NOTCH4: variants seen among roughly 807,000 people sequenced by gnomAD.
The protein encoded by NOTCH4 is neurogenic locus notch homolog protein 4.
NOTCH4 carries 138 observed loss-of-function variants against 189.0 expected under a neutral mutation model. The ratio of observed to expected loss-of-function variants is 0.73; its 90% CI spans 0.64 to 0.84. The LOEUF (loss-of-function observed/expected upper bound fraction) is 0.84. Among genes scored for constraint, NOTCH4 ranks in the 40% least tolerant of loss-of-function variants. The probability of loss-of-function intolerance (pLI) is 0.00; values close to 1 mark genes in which losing one functional copy is unlikely to be tolerated. For synonymous variants in NOTCH4, 942 were observed against 1,032.8 expected (o/e 0.91, Z 1.69); for missense variants, 2,286 against 2,605.4 (o/e 0.88, Z 2.67).
rs2127491834 is a variant in NOTCH4, at chr6:32,223,041, G to A, written c.119C>T (p.Thr40Ile). The change falls in exon 2 of 30, where the codon ACC (threonine) becomes ATC (isoleucine). Residue 40 changes from threonine to isoleucine, a missense_variant. By Grantham distance (89) the Thr-to-Ile change is moderately conservative (BLOSUM62 -1). Around this residue, in one of 2 missense-constraint regions of NOTCH4, gnomAD observed 1,903 missense variants for 2,261.9 expected, o/e 0.84. Transcript: ENST00000375023. Reference protein sequence around the residue: ...SFPEPCANGGTCLSLSLGQGT... With the variant: ...SFPEPCANGGICLSLSLGQGT... ...TTGTCCCAGAGACAGGCTCAGGCAG[G>A]TGCCTCCATTGGCACAGGGTTCTGG... 9 of 1,613,880 alleles carry A rather than the reference G, an allele frequency of 5.6e-6. No individual in the cohort carries two copies. The South Asian group carries it at 6.6e-5, about 12-fold the overall frequency.
rs1789731784 is a variant in NOTCH4, at chr6:32,220,966, G to T, written c.799+12C>A. On this transcript the variant is annotated intron_variant, in intron 4 of 29. Coordinates refer to ENST00000375023, the MANE Select transcript of NOTCH4 (RefSeq NM_004557.4). ...AGAGAGGGGCGGCCGGAGAGCCCCT[G>T]TGAGGACACACCTGGGGGACAGAGG... 1 of 1,596,380 alleles carries T rather than the reference G, an allele frequency of 6.3e-7. No individual in the cohort carries two copies. The highest frequency in any genetic ancestry group is 8.5e-7 in the Non-Finnish European group (1 of 1,169,860).
intron 26 of NOTCH4, among the ~76,000 whole-genome samples, chr6:32,197,797 C>T (rs1788046780): frequency 6.6e-6 from 1 of 150,670 alleles, no homozygotes; most frequent in African/African-American, 2.4e-5. Flanking sequence ...AATTCTCTGA[C>T]ATTCCAGGGC....
rs748441061 is a variant in NOTCH4, at chr6:32,198,417, A to G, written c.4756+4T>C. On this transcript the variant is annotated splice_donor_region_variant and intron_variant, in intron 26 of 29. Transcript: ENST00000375023. This position sits in a 1 kb window ranked among gnomAD's most constrained non-coding sequence, Gnocchi z 5.5. The stretch of plus-strand genomic sequence containing the variant: ...TTTTTCTTGGTCTGGGTTGACTCAC[A>G]TACCAGGTCCACGGGTGTCCAGGTC... 4 of 1,609,632 alleles carry G rather than the reference A, an allele frequency of 2.5e-6. No individual in the cohort carries two copies. Among genetic ancestry groups the G allele is most frequent in the Non-Finnish European group, 3.4e-6 (4 of 1,178,882 alleles).
rs3096703 is a variant in NOTCH4, at chr6:32,216,317, G to T, written c.1861+628C>A. The T allele has an allele frequency of 2.3e-3, 357 of 153,612 alleles. 15 individuals are homozygous for T. In the East Asian group the frequency reaches 0.061, roughly 26 times the overall value. The allele number at this position is 153,612 out of a possible 1,614,324, so 9.5% of individuals were successfully genotyped here. ...TAATTTTTGTATTTTTAATAGAGACGAGGTTTCACCATGTTGGCCAGGCTG... is the reference window on the plus strand; with the variant it reads ...TAATTTTTGTATTTTTAATAGAGACTAGGTTTCACCATGTTGGCCAGGCTG... On this transcript the variant is annotated intron_variant, in intron 11 of 29. Coordinates refer to ENST00000375023, the MANE Select transcript of NOTCH4 (RefSeq NM_004557.4).
chr6:32,201,328 G>T lies in NOTCH4; in HGVS notation c.3928C>A (p.Gln1310Lys). 1 of 1,612,434 alleles carries T rather than the reference G, an allele frequency of 6.2e-7. No homozygotes were observed. Among genetic ancestry groups the T allele is most frequent in the Non-Finnish European group, 8.5e-7 (1 of 1,179,662 alleles). ...ACCCGGGCCAGGGCAAACAGCTGCT[G>T]GTCTAGGGCTGGGGGGCTCAGTACC... ...LVVLSPPALD[Q>K]QLFALARVLS... Residue 1310 changes from glutamine (Q) to lysine (K), a missense_variant, in exon 22 of 30, where the codon CAG becomes AAG. Physicochemically the swap from Gln to Lys is moderately conservative, Grantham distance 53 (BLOSUM62 1). Coordinates refer to ENST00000375023, the MANE Select transcript of NOTCH4 (RefSeq NM_004557.4). This position sits in a 1 kb window ranked among gnomAD's most constrained non-coding sequence, Gnocchi z 5.5.
At position 32,221,462 on chromosome 6, in the gene NOTCH4, C is replaced by T. The variant is rs1046133862; in HGVS notation, c.452-137G>A. On this transcript the variant is annotated intron_variant, in intron 3 of 29. Coordinates refer to ENST00000375023, the MANE Select transcript of NOTCH4 (RefSeq NM_004557.4). The surrounding 1 kb of genome is among the most constrained non-coding windows in gnomAD (Gnocchi z 4.3). ...TCCCTTTATTACCATACTTTCTTTG[C>T]TCTGTTCCATCACCCCTGCTCTGAG... 7.4e-6 allele frequency: 5 copies of T among 676,432 alleles called. No individual in the cohort carries two copies. Among genetic ancestry groups the T allele is most frequent in the Non-Finnish European group, 1.2e-5 (5 of 402,054 alleles). 41.9% of individuals were successfully genotyped at this position (676,432 alleles called of 1,614,324 possible). A position where few individuals can be genotyped will look rare whatever the true frequency, so the allele number is the denominator to read the frequency against.
Position 32,197,564 on chromosome 6 carries a change from C to A in NOTCH4, c.4787G>T (p.Cys1596Phe), listed in dbSNP as rs1210060400. Residue 1596 changes from cysteine (C) to phenylalanine (F), a missense_variant, in exon 27 of 30, where the codon TGC becomes TTC. Cys to Phe is a radical substitution (Grantham distance 205). Around this residue, in one of 2 missense-constraint regions of NOTCH4, gnomAD observed 1,903 missense variants for 2,261.9 expected, o/e 0.84. Transcript: ENST00000375023. ...GGTCCCGGACTGTACTTCCCCACAG[C>A]AAACTGCTGACATCAGGGGTGTCAC... The part of the protein sequence containing the change: ...DGVTPLMSAV[C>F]CGEVQSGTFQ... 3 of 1,612,620 alleles carry A rather than the reference C, an allele frequency of 1.9e-6. No individual in the cohort carries two copies. Among genetic ancestry groups the A allele is most frequent in the Non-Finnish European group, 2.5e-6 (3 of 1,179,380 alleles).
rs763240566 is a variant in NOTCH4 at position 32,222,496 on chromosome 6, C to T, written c.451+15G>A. 22 of 1,502,278 alleles carry T rather than the reference C, an allele frequency of 1.5e-5. No homozygotes were observed. The South Asian group carries it at 2.3e-4, about 16-fold the overall frequency. 93.1% of individuals were successfully genotyped at this position (1,502,278 alleles called of 1,614,324 possible). On this transcript the variant is annotated intron_variant, in intron 3 of 29. Coordinates refer to ENST00000375023, the MANE Select transcript of NOTCH4 (RefSeq NM_004557.4). ...TCCTGCCTGTCCCCTCCTGGCTGCC[C>T]CCAGCAGCGCTTACCTGTCCATCCA...
chr6:32,219,892 A>G (rs1789641819), intron 7 of NOTCH4, 106 bp from the exon 8 acceptor site: 2 of 974,806 alleles, frequency 2.1e-6, no homozygotes, highest in Non-Finnish European at 3.1e-6. Flanking sequence ...AGACGAGACC[A>G]AATTGGGGAA....
At position 32,212,565 on chromosome 6, in the gene NOTCH4, C is replaced by A. The variant is rs763133141; in HGVS notation, c.2589G>T (p.Gly863=). ...CPRNSHCLQT[G]PSFHCLCLQG... Reference sequence around the variant, plus strand: ...GGAGGCACAAGCAGTGGAAGGAGGGCCCAGTCTGGAGGCAGTGGGAATTGC... The same window carrying A: ...GGAGGCACAAGCAGTGGAAGGAGGGACCAGTCTGGAGGCAGTGGGAATTGC... The change falls in exon 17 of 30, where the codon GGG becomes GGT. Residue 863 remains glycine, a synonymous_variant. Transcript: ENST00000375023. This position sits in a 1 kb window ranked among gnomAD's most constrained non-coding sequence, Gnocchi z 4.4. 1.2e-6 allele frequency: 2 copies of A among 1,613,006 alleles called. No homozygotes were observed. Among genetic ancestry groups the A allele is most frequent in the African/African-American group, 1.3e-5 (1 of 74,886 alleles).
Position 32,212,431 on chromosome 6 carries a change from T to C in NOTCH4, c.2680+43A>G, listed in dbSNP as rs2127477010. On this transcript the variant is annotated intron_variant, in intron 17 of 29. Transcript: ENST00000375023. The surrounding 1 kb of genome is among the most constrained non-coding windows in gnomAD (Gnocchi z 4.4). ...GGAACGGGGCAGGTGAGAACACCCA[T>C]ATTTTCTTCATTTGCTCTCCAGTCA... The C allele has an allele frequency of 2.6e-6, 4 of 1,558,192 alleles. No homozygotes were observed. The highest frequency in any genetic ancestry group is 3.5e-6 in the Non-Finnish European group (4 of 1,151,244).
In NOTCH4 at chr6:32,217,809, G is replaced by A. The variant is rs114187896; in HGVS notation, c.1624+186C>T. ...GATTTGGTAGGACAGAGATGAGAAT[G>A]GGCAAGTAAGCAAGGGAAGATTTGG... On this transcript the variant is annotated intron_variant, in intron 9 of 29. Transcript: ENST00000375023. The surrounding 1 kb of genome is among the most constrained non-coding windows in gnomAD (Gnocchi z 4.2). 5.9e-3 allele frequency among the ~76,000 whole-genome samples: 903 copies of A among 152,296 alleles called. 7 individuals are homozygous for A. The Middle Eastern group carries it at 0.068, about 11-fold the overall frequency.
Position 32,202,291 on chromosome 6 carries a change from G to T in NOTCH4, c.3540C>A (p.Gly1180=), listed in dbSNP as rs1406640960. The T allele has an allele frequency of 6.2e-7, 1 of 1,605,494 alleles. No individual in the cohort carries two copies. Among genetic ancestry groups the T allele is most frequent in the Non-Finnish European group, 8.5e-7 (1 of 1,174,408 alleles). ...CQKPGAKGCE[G]RSGDGACDAG... ...CATCGCAGGCCCCATCTCCACTTCTGCCCTCACACCCCTTGGCTCCGGGTT... is the reference window on the plus strand; with the variant it reads ...CATCGCAGGCCCCATCTCCACTTCTTCCCTCACACCCCTTGGCTCCGGGTT... The change falls in exon 21 of 30, where the codon GGC becomes GGA. Residue 1180 remains glycine (G), a synonymous_variant. Transcript: ENST00000375023. The surrounding 1 kb of genome is among the most constrained non-coding windows in gnomAD (Gnocchi z 5.7).
intron 20 of NOTCH4, 111 bp downstream of exon 20, chr6:32,203,659 A>C (rs973274655): frequency 2.6e-6 from 2 of 779,428 alleles, no homozygotes; most frequent in Non-Finnish European, 4.0e-6. Flanking sequence ...GGCTTTTTCC[A>C]ATAATTTCCA....
rs747516289 is a variant in NOTCH4, at chr6:32,210,853, A to T, written c.2764T>A (p.Phe922Ile). The T allele has an allele frequency of 2.7e-5, 44 of 1,612,828 alleles. No homozygotes were observed. In the Middle Eastern group the frequency reaches 9.9e-4, roughly 36 times the overall value. ...PSYFCHCPPG[F>I]QGSLCQDHVN... ...TGATCCTGGCACAGGCTGCCTTGGA[A>T]TCCAGGGGGGCAGTGGCAGAAATAG... Residue 922 changes from phenylalanine (F) to isoleucine (I), a missense_variant, in exon 18 of 30, where the codon TTC (phenylalanine) becomes ATC (isoleucine). This residue lies in a region of NOTCH4 where 1,903 missense variants were observed against 2,261.9 expected (regional missense o/e 0.84). Coordinates refer to ENST00000375023, the MANE Select transcript of NOTCH4 (RefSeq NM_004557.4). This position sits in a 1 kb window ranked among gnomAD's most constrained non-coding sequence, Gnocchi z 4.8.
intron 14 of NOTCH4, 32 bp downstream of exon 14, chr6:32,213,656 G>A: frequency 6.2e-7 from 1 of 1,605,688 alleles, no homozygotes; most frequent in Non-Finnish European, 8.5e-7. Context: ...TTCTCCTGTG[G>A]ACCCCAGCCC....
chr6:32,212,808 C>CT lies in NOTCH4; in HGVS notation c.2526+15dup, dbSNP rs1473975420. 1.3e-6 allele frequency: 2 copies of CT among 1,515,406 alleles called. No homozygotes were observed. The highest frequency in any genetic ancestry group is 2.6e-5 in the South Asian group (2 of 77,978). The allele number at this position is 1,515,406 out of a possible 1,614,324, so 93.9% of individuals were successfully genotyped here. A position where few individuals can be genotyped will look rare whatever the true frequency, so the allele number is the denominator to read the frequency against. On this transcript the variant is annotated intron_variant, in intron 16 of 29. Coordinates refer to ENST00000375023, the MANE Select transcript of NOTCH4 (RefSeq NM_004557.4). The surrounding 1 kb of genome is among the most constrained non-coding windows in gnomAD (Gnocchi z 4.4). ...CCACTTCCCTCCTCAGCACGCCTGACTTCAATGGCCCTCACCTGGCAGCTG... is the reference window on the plus strand; with the variant it reads ...CCACTTCCCTCCTCAGCACGCCTGACTTTCAATGGCCCTCACCTGGCAGCTG...
rs1057427398 is a variant in NOTCH4 at position 32,210,587 on chromosome 6, C to G, written c.2865+165G>C. On this transcript the variant is annotated intron_variant, in intron 18 of 29. Transcript: ENST00000375023. The surrounding 1 kb of genome is among the most constrained non-coding windows in gnomAD (Gnocchi z 4.8). Reference sequence around the variant, plus strand: ...AGGTGAAAGCACAGACTTGAGAAAACTTCAGGAGATAAAGTGGCATGACTT... The same window carrying G: ...AGGTGAAAGCACAGACTTGAGAAAAGTTCAGGAGATAAAGTGGCATGACTT... Among the ~76,000 whole-genome samples the G allele has an allele frequency of 6.6e-6, 1 of 152,186 alleles. No individual in the cohort carries two copies. Among genetic ancestry groups the G allele is most frequent in the African/African-American group, 2.4e-5 (1 of 41,436 alleles).
Position 32,220,503 on chromosome 6 carries a change from T to A in NOTCH4, c.1061A>T (p.Glu354Val), listed in dbSNP as rs150865986. The change falls in exon 6 of 30, where the codon GAG becomes GTG. Residue 354 changes from glutamate to valine, a missense_variant. Glu to Val is a moderately radical substitution (Grantham distance 121). Around this residue, in one of 2 missense-constraint regions of NOTCH4, gnomAD observed 1,903 missense variants for 2,261.9 expected, o/e 0.84. Transcript: ENST00000375023. Reference sequence around the variant, plus strand: ...GGCAGCAATACAGTCATCCAGGTTCTCCTCACAGCTTGTGCCGCCCCAGCC... The same window carrying A: ...GGCAGCAATACAGTCATCCAGGTTCACCTCACAGCTTGTGCCGCCCCAGCC... Reference protein sequence around the residue: ...VSGWGGTSCEENLDDCIAATC... With the variant: ...VSGWGGTSCEVNLDDCIAATC... The A allele has an allele frequency of 6.0e-5, 97 of 1,613,346 alleles. No homozygotes were observed. The highest frequency in any genetic ancestry group is 7.9e-5 in the Non-Finnish European group (93 of 1,180,020).
Sources: gnomAD v4.1 joint callset for allele counts (sites outside exome capture counted in the v4.1 genomes callset) on GRCh38, gnomAD v4.1.1 for gene constraint, gnomAD v4.1.1 regional missense constraint, Gnocchi (gnomAD v3.1) non-coding constraint, MANE v1.5 for transcripts, NCBI Gene and HGNC (gene_info 2026-07-23, HGNC 2026-07-21) for gene names.